The following AKAP19 variants were observed in gnomAD, a reference collection of about 807,000 sequenced individuals.
AKAP19 encodes small A-kinase anchoring protein.
At chr2:189,905,850 G>T in the AKAP19 span, among the ~76,000 whole-genome samples, 1 of 152,134 alleles carries the variant, frequency 6.6e-6, no homozygotes, top group South Asian at 2.1e-4. Flanking sequence ...GATACCCCAA[G>T]GCCGGAAGGT....
At chr2:190,145,710 C>T in the AKAP19 span, among the ~76,000 whole-genome samples, 1 of 151,914 alleles carries the variant, frequency 6.6e-6, no homozygotes, top group East Asian at 1.9e-4. Context: ...TGTGTAGATA[C>T]ACTCTGTGAG....
chr2:190,094,534 G>C, the AKAP19 span, among the ~76,000 whole-genome samples: 1 of 152,182 alleles, frequency 6.6e-6, no homozygotes, highest in African/African-American at 2.4e-5. Flanking sequence ...CAGGGGAGTG[G>C]AGTTCAAAGT....
chr2:189,955,618 C>T, the AKAP19 span, among the ~76,000 whole-genome samples: 1 of 152,122 alleles, frequency 6.6e-6, no homozygotes, highest in Non-Finnish European at 1.5e-5. Flanking sequence ...GCATCCTCAC[C>T]AATGTTTACT....
At chr2:190,057,106 T>G in the AKAP19 span, 1 of 737,816 alleles carries the variant, frequency 1.4e-6, no homozygotes, top group Non-Finnish European at 2.2e-6. Context: ...ATTGCATATA[T>G]TCCCCCTTTT....
At chr2:189,963,978 C>T in the AKAP19 span, among the ~76,000 whole-genome samples, 2 of 152,100 alleles carry the variant, frequency 1.3e-5, no homozygotes, top group Non-Finnish European at 2.9e-5. Context: ...TGGTCTCAAA[C>T]TCCCAGGCTC....
the AKAP19 span, among the ~76,000 whole-genome samples, chr2:190,187,737 G>A: frequency 3.3e-5 from 5 of 152,056 alleles, no homozygotes; most frequent in East Asian, 3.9e-4. Context: ...GCCTATAGTC[G>A]CAGGTACTCA....
chr2:190,097,317 A>G, the AKAP19 span, among the ~76,000 whole-genome samples: 2 of 152,228 alleles, frequency 1.3e-5, no homozygotes, highest in East Asian at 3.9e-4. Context: ...CAGTGAGAAC[A>G]TACAGTGTTT....
the AKAP19 span, among the ~76,000 whole-genome samples, chr2:189,909,390 G>A: frequency 6.6e-6 from 1 of 151,906 alleles, no homozygotes; most frequent in Non-Finnish European, 1.5e-5. Flanking sequence ...TGTTTATCAT[G>A]TTAATTGTTT....
the AKAP19 span, among the ~76,000 whole-genome samples, chr2:190,070,988 T>C: frequency 1.3e-5 from 2 of 152,096 alleles, no homozygotes; most frequent in Non-Finnish European, 2.9e-5. Flanking sequence ...ACCACATAGA[T>C]GAGGGGGGTC....
chr2:189,991,678 T>C, the AKAP19 span, among the ~76,000 whole-genome samples: 1 of 152,242 alleles, frequency 6.6e-6, no homozygotes, highest in Non-Finnish European at 1.5e-5. Flanking sequence ...TTTCTTTTGA[T>C]GTGCAGAAGC....
chr2:190,062,208 T>C, the AKAP19 span: 1 of 1,612,220 alleles, frequency 6.2e-7, no homozygotes, highest in Non-Finnish European at 8.5e-7. Flanking sequence ...TGATATACAC[T>C]AATAGGACTA....
chr2:190,016,904 T>C, the AKAP19 span, among the ~76,000 whole-genome samples: 6 of 152,334 alleles, frequency 3.9e-5, no homozygotes, highest in South Asian at 2.1e-4. Flanking sequence ...TTCACTACTA[T>C]TGTATTATTA....
At chr2:190,116,255 T>G in the AKAP19 span, among the ~76,000 whole-genome samples, 4 of 152,316 alleles carry the variant, frequency 2.6e-5, no homozygotes, top group South Asian at 2.1e-4. Context: ...GGCTCATGGT[T>G]CTGGAGGTGG....
chr2:190,084,034 T>C, the AKAP19 span, among the ~76,000 whole-genome samples: 1 of 151,672 alleles, frequency 6.6e-6, no homozygotes, highest in Non-Finnish European at 1.5e-5. Flanking sequence ...TGGTTAAATT[T>C]GCACAAAGCC....
the AKAP19 span, among the ~76,000 whole-genome samples, chr2:190,078,276 T>G: frequency 6.6e-6 from 1 of 152,222 alleles, no homozygotes; most frequent in Non-Finnish European, 1.5e-5. Flanking sequence ...CTCCTAGGAA[T>G]TATAGTCTTA....
chr2:190,192,273 G>GTATC, the AKAP19 span, among the ~76,000 whole-genome samples: 1 of 152,024 alleles, frequency 6.6e-6, no homozygotes, highest in East Asian at 1.9e-4. Context: ...TTTTATGGGT[G>GTATC]TATCTCTGGA....
At chr2:190,142,288 A>C in the AKAP19 span, among the ~76,000 whole-genome samples, 1 of 152,238 alleles carries the variant, frequency 6.6e-6, no homozygotes, top group African/African-American at 2.4e-5. Context: ...TTAAAATGTC[A>C]TTAGACACAA....
At chr2:190,117,325 A>G in the AKAP19 span, among the ~76,000 whole-genome samples, 30 of 152,204 alleles carry the variant, frequency 2.0e-4, no homozygotes. Flanking sequence ...ATGAAAATAG[A>G]TTCTAACTTA....
At chr2:190,046,680 A>G in the AKAP19 span, among the ~76,000 whole-genome samples, 1 of 152,392 alleles carries the variant, frequency 6.6e-6, no homozygotes, top group Non-Finnish European at 1.5e-5. Context: ...AATATCTGTG[A>G]CCATGTCACT....
Sources: gnomAD v4.1 joint callset for allele counts (sites outside exome capture counted in the v4.1 genomes callset) on GRCh38, gnomAD v4.1.1 for gene constraint, MANE v1.5 for transcripts, NCBI Gene and HGNC (gene_info 2026-07-23, HGNC 2026-07-21) for gene names.